PLXNA4: variants seen among roughly 807,000 people sequenced by gnomAD.
PLXNA4 encodes the protein plexin A4, also known as plexin-A4.
In PLXNA4, 44 loss-of-function variants were observed where a neutral mutation model predicts 191.8. That is an observed-to-expected ratio of 0.23 (90% CI 0.18 to 0.29). PLXNA4 has a LOEUF of 0.29. Ranked by LOEUF, PLXNA4 falls within the 10% of genes least tolerant of loss-of-function variation. The probability of loss-of-function intolerance (pLI) is 1.00; values close to 1 mark genes in which losing one functional copy is unlikely to be tolerated. For synonymous variants in PLXNA4, 1,082 were observed against 1,009.5 expected (o/e 1.07, Z -1.36); for missense variants, 1,800 against 2,488.8 (o/e 0.72, Z 5.89).
At chr7:132,600,811 A>T (rs7790966) in intron 2 of PLXNA4, among the ~76,000 whole-genome samples, 1 of 152,042 alleles carries the variant, frequency 6.6e-6, no homozygotes, top group Non-Finnish European at 1.5e-5. Context: ...TTCATATTTT[A>T]TTATTTGTAT....
At chr7:132,584,303 G>A (rs1372574436) in intron 2 of PLXNA4, among the ~76,000 whole-genome samples, 1 of 152,190 alleles carries the variant, frequency 6.6e-6, no homozygotes, top group African/African-American at 2.4e-5. Context: ...CTTTACTCGT[G>A]GTTTTTGACA....
At chr7:132,264,832 G>A (rs1799788199) in intron 4 of PLXNA4, among the ~76,000 whole-genome samples, 1 of 151,964 alleles carries the variant, frequency 6.6e-6, no homozygotes, top group East Asian at 1.9e-4. Flanking sequence ...CAAGTAGCTG[G>A]GATTACAGGC....
intron 1 of PLXNA4, among the ~76,000 whole-genome samples, chr7:132,552,966 G>A (rs1800626299): frequency 6.6e-6 from 1 of 152,170 alleles, no homozygotes. Context: ...GCAGGGGATT[G>A]GCTTGTTAGC....
chr7:132,310,843 G>A (rs1801700282), intron 3 of PLXNA4, among the ~76,000 whole-genome samples: 1 of 151,692 alleles, frequency 6.6e-6, no homozygotes, highest in South Asian at 2.1e-4. Context: ...TCCAAGGACA[G>A]CTGTGTGTGT....
intron 2 of PLXNA4, among the ~76,000 whole-genome samples, chr7:132,506,907 C>G (rs1276013795): frequency 2.0e-5 from 3 of 152,230 alleles, no homozygotes; most frequent in African/African-American, 7.2e-5. Context: ...CATCCCTTTT[C>G]TAAGTTAGCT....
At chr7:132,484,311 G>A (rs1797453619) in intron 3 of PLXNA4, among the ~76,000 whole-genome samples, 1 of 152,194 alleles carries the variant, frequency 6.6e-6, no homozygotes, top group South Asian at 2.1e-4. Flanking sequence ...AAAGACTAAC[G>A]ACAGAATGCC....
In PLXNA4 at chr7:132,362,143, T is replaced by C. The variant is rs531001584; in HGVS notation, c.1372-63921A>G. 2.0e-5 allele frequency among the ~76,000 whole-genome samples: 3 copies of C among 152,260 alleles called. No homozygotes were observed. In the East Asian group the frequency reaches 5.8e-4, roughly 30 times the overall value. ...TGGGCCCACTTAAGTCATAAGACCATTTAGAGGACTTTATACATCATCAAG... is the reference window on the plus strand; with the variant it reads ...TGGGCCCACTTAAGTCATAAGACCACTTAGAGGACTTTATACATCATCAAG... On this transcript the variant is annotated intron_variant, in intron 3 of 31. Transcript: ENST00000321063.
intron 1 of PLXNA4, among the ~76,000 whole-genome samples, chr7:132,562,914 T>C (rs1018678046): frequency 4.7e-3 from 151 of 32,230 alleles, no homozygotes; most frequent in Middle Eastern, 0.1. Context: ...CCTCCTCCTC[T>C]TCCTCCTCCT....
intron 29 of PLXNA4, among the ~76,000 whole-genome samples, chr7:132,141,767 T>TCACC (rs1795277648): frequency 6.6e-6 from 1 of 152,184 alleles, no homozygotes; most frequent in African/African-American, 2.4e-5. Context: ...TTTTGCTCTG[T>TCACC]CACCCAAGCG....
intron 4 of PLXNA4, among the ~76,000 whole-genome samples, chr7:132,269,261 C>T (rs924111047): frequency 2.0e-5 from 3 of 152,150 alleles, no homozygotes; most frequent in African/African-American, 7.2e-5. Context: ...TAATAGTACA[C>T]TGCCTGTTTT....
chr7:132,402,887 C>T (rs148245573), intron 3 of PLXNA4, among the ~76,000 whole-genome samples: 3 of 152,244 alleles, frequency 2.0e-5, no homozygotes, highest in African/African-American at 4.8e-5. Context: ...AGCACGCCCA[C>T]CCATTGACCC....
intron 3 of PLXNA4, among the ~76,000 whole-genome samples, chr7:132,410,870 T>G (rs1794429664): frequency 6.6e-6 from 1 of 152,030 alleles, no homozygotes; most frequent in East Asian, 1.9e-4. Flanking sequence ...TAGCATCCAT[T>G]CTAGGTGGAA....
intron 3 of PLXNA4, among the ~76,000 whole-genome samples, chr7:132,312,437 C>A (rs780737609): frequency 6.6e-6 from 1 of 152,092 alleles, no homozygotes; most frequent in Non-Finnish European, 1.5e-5. Context: ...GATGTGAAAA[C>A]TGAGCCCGGT....
intron 3 of PLXNA4, among the ~76,000 whole-genome samples, chr7:132,321,472 C>T (rs1315232050): frequency 2.0e-5 from 3 of 151,958 alleles, no homozygotes; most frequent in Non-Finnish European, 4.4e-5. Flanking sequence ...CATTCCCTGA[C>T]CCAGGGAATG....
intron 3 of PLXNA4, among the ~76,000 whole-genome samples, chr7:132,315,849 CGT>C (rs1469964989): frequency 3.3e-5 from 5 of 152,258 alleles, no homozygotes; most frequent in African/African-American, 1.2e-4. Context: ...GAAAGTGCCA[CGT>C]GTGTGCAGTG....
At chr7:132,185,104 G>A (rs184364239) in intron 16 of PLXNA4, among the ~76,000 whole-genome samples, 195 bp downstream of exon 16, 2 of 152,346 alleles carry the variant, frequency 1.3e-5, no homozygotes, top group Non-Finnish European at 2.9e-5. Flanking sequence ...TCCAGGCTGG[G>A]TTTGGCACAG....
chr7:132,495,553 G>A (rs1011771622), intron 2 of PLXNA4, among the ~76,000 whole-genome samples: 12 of 152,276 alleles, frequency 7.9e-5, no homozygotes, highest in African/African-American at 2.9e-4. Flanking sequence ...GCCCCAGGAT[G>A]GAAGACAAAA....
chr7:132,477,499 C>G (rs1048546732), intron 3 of PLXNA4, among the ~76,000 whole-genome samples: 1 of 152,210 alleles, frequency 6.6e-6, no homozygotes. Flanking sequence ...TGCACATGAA[C>G]GTGAGTTGAA....
At chr7:132,365,094 A>G (rs1804100869) in intron 3 of PLXNA4, among the ~76,000 whole-genome samples, 1 of 152,138 alleles carries the variant, frequency 6.6e-6, no homozygotes, top group Non-Finnish European at 1.5e-5. Flanking sequence ...GGATTTGGGC[A>G]TTTCTGGGAT....
Sources: allele counts gnomAD v4.1 joint callset (sites outside exome capture counted in the v4.1 genomes callset), GRCh38; gene constraint gnomAD v4.1.1; transcripts MANE v1.5; gene names NCBI Gene and HGNC (gene_info 2026-07-23, HGNC 2026-07-21).